Variants in CNOT6 observed in about 807,000 individuals in gnomAD.
CNOT6 encodes carbon catabolite repression 4 protein.
Under a neutral mutation model 61.2 loss-of-function variants are expected in CNOT6, and 12 were observed. The observed-to-expected ratio is 0.20, with a 90% CI of 0.13 to 0.32. The LOEUF (loss-of-function observed/expected upper bound fraction) is 0.32, where lower values mean the gene tolerates loss of function less well. Ranked by LOEUF, CNOT6 falls within the 10% of genes least tolerant of loss-of-function variation. CNOT6 has a pLI of 1.00. For synonymous variants in CNOT6, 225 were observed against 240.6 expected (o/e 0.94, Z 0.60); for missense variants, 405 against 663.9 (o/e 0.61, Z 4.28).
chr5:180,555,950 A>G (rs1759865048), intron 4 of CNOT6, among the ~76,000 whole-genome samples: 1 of 152,186 alleles, frequency 6.6e-6, no homozygotes, highest in Non-Finnish European at 1.5e-5. Context: ...ACTACAGTTA[A>G]AGGCAGGACT....
intron 4 of CNOT6, among the ~76,000 whole-genome samples, chr5:180,558,985 G>A (rs1015054001): frequency 1.6e-4 from 25 of 152,138 alleles, no homozygotes; most frequent in Non-Finnish European, 3.4e-4. Flanking sequence ...GAAAGTGAAC[G>A]TTCTGTGTGA....
At chr5:180,562,320 C>A (rs1363350001) in intron 4 of CNOT6, among the ~76,000 whole-genome samples, 1 of 152,190 alleles carries the variant, frequency 6.6e-6, no homozygotes, top group Non-Finnish European at 1.5e-5. Flanking sequence ...AGTAACTTCT[C>A]ATTTACTTTT....
intron 2 of CNOT6, among the ~76,000 whole-genome samples, chr5:180,536,938 A>G (rs1209195266): frequency 1.3e-5 from 2 of 152,192 alleles, no homozygotes; most frequent in African/African-American, 2.4e-5. Context: ...TTAACTTAGT[A>G]ATAGATGTTT....
rs757320844 is a variant in CNOT6 at position 180,549,937 on chromosome 5, TAAG to T, written c.123_125del (p.Arg41del). On this transcript the variant is annotated inframe_deletion, in exon 3 of 12. Coordinates refer to ENST00000261951, the MANE Select transcript of CNOT6 (RefSeq NM_001370472.1). Reference sequence around the variant, plus strand: ...GTATTTTTTTCTCTTACAGGAAAAGTAAGAAGCTTAAGCGCATCTTTGTGGTCA... The same window carrying T: ...GTATTTTTTTCTCTTACAGGAAAAGTAAGCTTAAGCGCATCTTTGTGGTCA... 1.2e-6 allele frequency: 2 copies of T among 1,605,002 alleles called. No individual in the cohort carries two copies. Among genetic ancestry groups the T allele is most frequent in the Non-Finnish European group, 1.7e-6 (2 of 1,173,610 alleles).
chr5:180,554,413 G>A (rs1481833938), intron 4 of CNOT6, among the ~76,000 whole-genome samples: 3 of 53,970 alleles, frequency 5.6e-5, no homozygotes, highest in African/African-American at 1.7e-4. Context: ...GCGAGACTCT[G>A]TCTTAAAAAA....
intron 10 of CNOT6, among the ~76,000 whole-genome samples, chr5:180,569,732 T>A (rs1481324882): frequency 6.6e-6 from 1 of 152,216 alleles, no homozygotes; most frequent in Non-Finnish European, 1.5e-5. Flanking sequence ...CAATTTTGCA[T>A]GTATTTATAA....
intron 1 of CNOT6, among the ~76,000 whole-genome samples, chr5:180,526,369 T>C (rs1758103141): frequency 6.6e-6 from 1 of 152,156 alleles, no homozygotes; most frequent in African/African-American, 2.4e-5. Context: ...GCCAGAGTAA[T>C]GTCCTTGAAT....
At chr5:180,560,921 G>GTT (rs756894024) in intron 4 of CNOT6, among the ~76,000 whole-genome samples, 2 of 148,938 alleles carry the variant, frequency 1.3e-5, no homozygotes, top group African/African-American at 5.0e-5. Flanking sequence ...TGTTGTTGTT[G>GTT]GTGGTGGTGG....
intron 3 of CNOT6, among the ~76,000 whole-genome samples, chr5:180,552,564 T>A (rs1759670811): frequency 6.6e-6 from 1 of 150,756 alleles, no homozygotes; most frequent in Non-Finnish European, 1.5e-5. Flanking sequence ...GAGAATGGCG[T>A]GAACCCGGGA....
chr5:180,568,040 C>G (rs753239771), intron 9 of CNOT6, 37 bp downstream of exon 9: 1 of 1,557,428 alleles, frequency 6.4e-7, no homozygotes, highest in East Asian at 2.3e-5. Flanking sequence ...TTGACCAGCT[C>G]TGACTAGACA....
intron 4 of CNOT6, among the ~76,000 whole-genome samples, chr5:180,563,417 T>C (rs1350378652): frequency 2.0e-5 from 3 of 151,740 alleles, no homozygotes; most frequent in South Asian, 2.1e-4. Flanking sequence ...TTTTCTTTTA[T>C]ATTTTTAGTA....
At position 180,574,932 on chromosome 5, in the gene CNOT6, T is replaced by C. The variant is rs1257884157; in HGVS notation, c.*732T>C. 1 of 152,744 alleles carries C rather than the reference T, an allele frequency of 6.5e-6. No individual in the cohort carries two copies. The highest frequency in any genetic ancestry group is 2.4e-5 in the African/African-American group (1 of 41,460). 9.5% of individuals were successfully genotyped at this position (152,744 alleles called of 1,614,324 possible). Reference sequence around the variant, plus strand: ...GGATGTTTTCAGACCAGAGGCAACTTATTCATGAATTTTTATGAAAACTAT... The same window carrying C: ...GGATGTTTTCAGACCAGAGGCAACTCATTCATGAATTTTTATGAAAACTAT... On this transcript the variant is annotated 3_prime_UTR_variant, in exon 12 of 12. Coordinates refer to ENST00000261951, the MANE Select transcript of CNOT6 (RefSeq NM_001370472.1).
At chr5:180,500,558 C>T (rs1475453451) in intron 1 of CNOT6, among the ~76,000 whole-genome samples, 1 of 152,070 alleles carries the variant, frequency 6.6e-6, no homozygotes, top group Non-Finnish European at 1.5e-5. Context: ...CTTCAGCCTC[C>T]TGAGTAGCTG....
chr5:180,496,280 C>T (rs1345555158), intron 1 of CNOT6, among the ~76,000 whole-genome samples: 4 of 152,150 alleles, frequency 2.6e-5, no homozygotes, highest in Non-Finnish European at 2.9e-5. Flanking sequence ...GATCTGTGAT[C>T]TACTCCAGGT....
At chr5:180,572,607 T>C (rs984268307) in intron 11 of CNOT6, among the ~76,000 whole-genome samples, 1 of 152,142 alleles carries the variant, frequency 6.6e-6, no homozygotes, top group Non-Finnish European at 1.5e-5. Flanking sequence ...TGAAGTACAG[T>C]GATGTGATGA....
At chr5:180,508,210 A>T (rs1757219200) in intron 1 of CNOT6, among the ~76,000 whole-genome samples, 2 of 152,106 alleles carry the variant, frequency 1.3e-5, no homozygotes, top group Non-Finnish European at 2.9e-5. Context: ...GGATATGAAG[A>T]CTGTGACTAG....
intron 9 of CNOT6, among the ~76,000 whole-genome samples, chr5:180,568,906 T>C (rs1344872362): frequency 6.6e-6 from 1 of 152,218 alleles, no homozygotes; most frequent in Non-Finnish European, 1.5e-5. Context: ...AAGTAGTGAA[T>C]GCCCTGTGCT....
chr5:180,503,786 A>G (rs1444484329), intron 1 of CNOT6, among the ~76,000 whole-genome samples: 8 of 150,766 alleles, frequency 5.3e-5, no homozygotes, highest in Admixed American at 5.3e-4. Flanking sequence ...TTTGTATTTT[A>G]GTAGAGACAG....
At chr5:180,544,423 C>T (rs1759203940) in intron 2 of CNOT6, among the ~76,000 whole-genome samples, 1 of 152,166 alleles carries the variant, frequency 6.6e-6, no homozygotes, top group South Asian at 2.1e-4. Flanking sequence ...TGTTTCATTT[C>T]TTTCCTGGTT....
Sources: gnomAD v4.1 joint callset for allele counts (sites outside exome capture counted in the v4.1 genomes callset) on GRCh38, gnomAD v4.1.1 for gene constraint, MANE v1.5 for transcripts, NCBI Gene and HGNC (gene_info 2026-07-23, HGNC 2026-07-21) for gene names.